The following FANCD2 variants were observed in gnomAD, a reference collection of about 807,000 sequenced individuals.
FANCD2 encodes Fanconi anemia group D2 protein.
A neutral mutation model predicts 192.3 loss-of-function variants in FANCD2; 131 were observed. The observed-to-expected ratio is 0.68, with a 90% CI of 0.59 to 0.79. The LOEUF (loss-of-function observed/expected upper bound fraction) is 0.79. Ranked by LOEUF, FANCD2 falls within the 30% of genes least tolerant of loss-of-function variation. The probability of loss-of-function intolerance (pLI) is 0.00; values close to 1 mark genes in which losing one functional copy is unlikely to be tolerated. For synonymous variants in FANCD2, 524 were observed against 612.5 expected, an observed-to-expected ratio of 0.86 and a Z score of 2.13; for missense variants, 1,508 against 1,701.6, an observed-to-expected ratio of 0.89 and a Z score of 2.00.
At chr3:10,049,111 C>T (rs373774818) in intron 16 of FANCD2, among the ~76,000 whole-genome samples, 53 of 151,694 alleles carry the variant, frequency 3.5e-4, no homozygotes, top group African/African-American at 9.5e-4. Flanking sequence ...AGGAAAACTA[C>T]GCCAAGGAGC....
At position 10,101,316 on chromosome 3, in the gene FANCD2, T is replaced by C. The variant is rs1695286191; in HGVS notation, c.*54T>C. 2 of 1,343,396 alleles carry C rather than the reference T, an allele frequency of 1.5e-6. No homozygotes were observed. The highest frequency in any genetic ancestry group is 1.2e-5 in the South Asian group (1 of 85,882). 83.2% of individuals were successfully genotyped at this position (1,343,396 alleles called of 1,614,324 possible). A position where few individuals can be genotyped will look rare whatever the true frequency, so the allele number is the denominator to read the frequency against. Reference sequence around the variant, plus strand: ...TGTCTCTGCCAGCCTGTGATCATTTTGTGTTAGAGTTTGAAATCCGCTGTT... The same window carrying C: ...TGTCTCTGCCAGCCTGTGATCATTTCGTGTTAGAGTTTGAAATCCGCTGTT... On this transcript the variant is annotated 3_prime_UTR_variant, in exon 44 of 44. Transcript: ENST00000675286.
At chr3:10,099,654 A>G (rs1368215273) in intron 43 of FANCD2, 1 of 153,534 alleles carries the variant, frequency 6.5e-6, no homozygotes, top group Non-Finnish European at 1.4e-5. Flanking sequence ...GCTACTTGGG[A>G]GGCTGAGGCA....
intron 43 of FANCD2, among the ~76,000 whole-genome samples, chr3:10,100,238 T>G (rs1695221573): frequency 6.6e-6 from 1 of 152,210 alleles, no homozygotes; most frequent in African/African-American, 2.4e-5. Context: ...AATATACCCC[T>G]TCTACTTTTT....
chr3:10,048,944 C>A (rs1161684282), intron 16 of FANCD2, among the ~76,000 whole-genome samples: 1 of 152,126 alleles, frequency 6.6e-6, no homozygotes, highest in African/African-American at 2.4e-5. Flanking sequence ...TGTCATAATC[C>A]ATGTTTGCTT....
In FANCD2 at chr3:10,042,659, T is replaced by C; in HGVS notation, c.884T>C (p.Leu295Pro). 4 of 1,612,084 alleles carry C rather than the reference T, an allele frequency of 2.5e-6. No individual in the cohort carries two copies. Among genetic ancestry groups the C allele is most frequent in the Non-Finnish European group, 3.4e-6 (4 of 1,178,146 alleles). The change falls in exon 11 of 44, where the codon CTT becomes CCT. Residue 295 changes from leucine to proline, a missense_variant. This residue lies in a region of FANCD2 where 435 missense variants were observed against 421.9 expected (regional missense o/e 1.03). Transcript: ENST00000675286. ...CATTCCGTAACAGCCATGGATACAC[T>C]TGAGGTATGCTCTTATATCCCATCA... Reference protein sequence around the residue: ...ILHSVTAMDTLEVISELREKL... With the variant: ...ILHSVTAMDTPEVISELREKL...
At chr3:10,056,688 C>T (rs1368956224) in intron 18 of FANCD2, among the ~76,000 whole-genome samples, 2 of 151,842 alleles carry the variant, frequency 1.3e-5, no homozygotes, top group South Asian at 2.1e-4. Flanking sequence ...CCTGCCACCT[C>T]CCCAGGCCCT....
At chr3:10,034,174 C>T (rs926974191) in intron 3 of FANCD2, among the ~76,000 whole-genome samples, 11 of 148,648 alleles carry the variant, frequency 7.4e-5, no homozygotes, top group East Asian at 2.0e-4. Context: ...ATACAAAAAA[C>T]GAAACAAAAC....
intron 30 of FANCD2, 25 bp downstream of exon 30, chr3:10,078,222 C>A (rs146080096): frequency 2.1e-6 from 3 of 1,453,142 alleles, no homozygotes; most frequent in African/African-American, 2.8e-5. Context: ...AAGCATAGGA[C>A]TTGGGCATAG....
intron 17 of FANCD2, among the ~76,000 whole-genome samples, chr3:10,050,068 A>G (rs2087150570): frequency 6.6e-6 from 1 of 152,200 alleles, no homozygotes; most frequent in Non-Finnish European, 1.5e-5. Context: ...CCATGTTGCA[A>G]AGAGTCTCAA....
chr3:10,048,620 A>G (rs1242280390), intron 16 of FANCD2, among the ~76,000 whole-genome samples: 1 of 152,244 alleles, frequency 6.6e-6, no homozygotes, highest in Non-Finnish European at 1.5e-5. Context: ...ACATTTTAAT[A>G]GCATATATCC....
At chr3:10,089,209 T>TG (rs1320879931) in intron 36 of FANCD2, among the ~76,000 whole-genome samples, 1 of 151,580 alleles carries the variant, frequency 6.6e-6, no homozygotes, top group Non-Finnish European at 1.5e-5. Flanking sequence ...TGCTTGAACC[T>TG]GGGAGGCGGA....
At chr3:10,070,034 C>T (rs1166626953) in intron 26 of FANCD2, among the ~76,000 whole-genome samples, 3 of 150,152 alleles carry the variant, frequency 2.0e-5, no homozygotes, top group Admixed American at 6.6e-5. Flanking sequence ...TCTGCCCGGC[C>T]ACCCATCGTC....
At chr3:10,032,697 A>G (rs1296940815) in intron 2 of FANCD2, 135 bp from the exon 3 acceptor site, 122 of 732,054 alleles carry the variant, frequency 1.7e-4, no homozygotes, top group Non-Finnish European at 1.7e-5. Context: ...AAGACAGTTT[A>G]TTTCACTACA....
intron 6 of FANCD2, among the ~76,000 whole-genome samples, chr3:10,035,668 G>A (rs1481058245): frequency 6.6e-6 from 1 of 152,006 alleles, no homozygotes; most frequent in Admixed American, 6.6e-5. Context: ...TGTATATAGA[G>A]CAGAAAACTT....
In FANCD2 at chr3:10,049,412, G is replaced by T. The variant is rs768134945; in HGVS notation, c.1452G>T (p.Gly484=). The change falls in exon 17 of 44, where the codon GGG becomes GGT. Residue 484 remains glycine (G), a synonymous_variant. Coordinates refer to ENST00000675286, the MANE Select transcript of FANCD2 (RefSeq NM_001018115.3). The stretch of plus-strand genomic sequence containing the variant: ...CCTTAGTGACCCATATCTGCAGTGG[G>T]AATGAAGCTGAAGTTGATACTGCCT... The part of the protein sequence containing the change: ...VGALVTHICS[G]NEAEVDTALD... 6.2e-7 allele frequency: 1 copy of T among 1,612,132 alleles called. No individual in the cohort carries two copies. Among genetic ancestry groups the T allele is most frequent in the African/African-American group, 1.3e-5 (1 of 74,260 alleles).
rs1377091666 is a variant in FANCD2 at position 10,034,733 on chromosome 3, T to C, written c.312T>C (p.Ile104=). The C allele has an allele frequency of 1.3e-6, 2 of 1,572,914 alleles. No individual in the cohort carries two copies. Among genetic ancestry groups the C allele is most frequent in the Non-Finnish European group, 1.7e-6 (2 of 1,158,850 alleles). ...EEFVSGLESY[I]EDEDSFRNCL... ...TTGTTAGTGGCCTGGAGTCTTACAT[T>C]GAGGATGAAGACAGTTTCAGGAACT... Residue 104 remains isoleucine, a synonymous_variant, in exon 5 of 44, where the codon ATT becomes ATC. Coordinates refer to ENST00000675286, the MANE Select transcript of FANCD2 (RefSeq NM_001018115.3).
intron 26 of FANCD2, among the ~76,000 whole-genome samples, chr3:10,069,463 C>CT (rs2087810910): frequency 9.7e-6 from 1 of 103,318 alleles, no homozygotes; most frequent in Admixed American, 8.8e-5. Context: ...TAAGATGCCT[C>CT]TCCCCCTCCC....
intron 19 of FANCD2, among the ~76,000 whole-genome samples, chr3:10,061,926 C>G (rs1272492172): frequency 4.5e-5 from 6 of 134,582 alleles, no homozygotes; most frequent in Non-Finnish European, 9.1e-5. Context: ...ACAATGAGAA[C>G]ACATGGACAC....
chr3:10,052,414 TC>T lies in FANCD2; in HGVS notation c.1577del (p.Pro526LeufsTer33). 1.2e-6 allele frequency: 2 copies of T among 1,612,778 alleles called. No homozygotes were observed. Among genetic ancestry groups the T allele is most frequent in the Non-Finnish European group, 1.7e-6 (2 of 1,178,988 alleles). On this transcript the variant is annotated frameshift_variant, in exon 18 of 44. Transcript: ENST00000675286. LOFTEE classifies it high-confidence loss of function. ...KGILDYLDNI[S>X]PQQIRKLFYV... ...CATTTTAGATTATCTGGATAACATA[TC>T]CCCTCAGCAAATACGAAAACTCTTC...
Sources: allele counts gnomAD v4.1 joint callset (sites outside exome capture counted in the v4.1 genomes callset), GRCh38; gene constraint gnomAD v4.1.1; regional missense constraint gnomAD v4.1.1; transcripts MANE v1.5; gene names NCBI Gene and HGNC (gene_info 2026-07-23, HGNC 2026-07-21).